Variants in ETV6 observed in about 807,000 individuals in gnomAD.
The protein encoded by ETV6 is ETS variant transcription factor 6.
A neutral mutation model predicts 51.1 loss-of-function variants in ETV6; 16 were observed. That is an observed-to-expected ratio of 0.31 (90% CI 0.21 to 0.48). The LOEUF is 0.48. Ranked by LOEUF, ETV6 falls within the 20% of genes least tolerant of loss-of-function variation. The probability of loss-of-function intolerance (pLI) is 0.99; values close to 1 mark genes in which losing one functional copy is unlikely to be tolerated. For missense variants in ETV6, 458 were observed against 594.8 expected, an observed-to-expected ratio of 0.77 and a Z score of 2.39; for synonymous variants, 240 against 224.1, an observed-to-expected ratio of 1.07 and a Z score of -0.64.
chr12:11,809,808 T>G (rs1945886119), intron 2 of ETV6, among the ~76,000 whole-genome samples: 2 of 148,244 alleles, frequency 1.3e-5, no homozygotes, highest in South Asian at 2.1e-4. Context: ...GAATAGAGCT[T>G]CTGCTTTTTT....
intron 2 of ETV6, chr12:11,769,087 A>G: frequency 2.5e-6 from 1 of 404,452 alleles, no homozygotes; most frequent in Non-Finnish European, 4.9e-6. Context: ...TTTATTGAGC[A>G]CCTACTGTGC....
At chr12:11,793,596 TACCAC>T (rs1444675147) in intron 2 of ETV6, among the ~76,000 whole-genome samples, 1 of 152,232 alleles carries the variant, frequency 6.6e-6, no homozygotes, top group Non-Finnish European at 1.5e-5. Flanking sequence ...GAACAGTGGC[TACCAC>T]TATCAGCTAG....
chr12:11,654,484 G>GA (rs1419153126), intron 1 of ETV6, among the ~76,000 whole-genome samples: 1 of 152,086 alleles, frequency 6.6e-6, no homozygotes, highest in Non-Finnish European at 1.5e-5. Flanking sequence ...AAAGGCCAAG[G>GA]AAACTCGATA....
At chr12:11,824,288 C>T (rs1017183231) in intron 2 of ETV6, among the ~76,000 whole-genome samples, 18 of 152,206 alleles carry the variant, frequency 1.2e-4, no homozygotes, top group Admixed American at 2.6e-4. Flanking sequence ...CAAAAATAGC[C>T]AAGAGGTATT....
At chr12:11,771,298 C>A (rs1182493452) in intron 2 of ETV6, among the ~76,000 whole-genome samples, 1 of 152,212 alleles carries the variant, frequency 6.6e-6, no homozygotes. Context: ...TAACTCTAAC[C>A]TAGGGAGCCA....
intron 1 of ETV6, among the ~76,000 whole-genome samples, chr12:11,721,366 A>G (rs570917118): frequency 6.6e-6 from 1 of 152,346 alleles, no homozygotes; most frequent in African/African-American, 2.4e-5. Flanking sequence ...CATATACACC[A>G]TGGAATACTT....
At chr12:11,812,490 G>A (rs907466824) in intron 2 of ETV6, among the ~76,000 whole-genome samples, 2 of 152,152 alleles carry the variant, frequency 1.3e-5, no homozygotes, top group Non-Finnish European at 2.9e-5. Context: ...AATATATTTA[G>A]TGCTTTCCTT....
At chr12:11,664,650 C>T (rs1052840593) in intron 1 of ETV6, among the ~76,000 whole-genome samples, 1 of 152,196 alleles carries the variant, frequency 6.6e-6, no homozygotes, top group African/African-American at 2.4e-5. Context: ...GATGCACTAA[C>T]AGACTCTTCC....
intron 2 of ETV6, among the ~76,000 whole-genome samples, chr12:11,779,108 CA>C (rs1945376287): frequency 6.6e-6 from 1 of 152,236 alleles, no homozygotes; most frequent in African/African-American, 2.4e-5. Context: ...TTCGACCAAA[CA>C]TACAAGTTGA....
At chr12:11,715,217 G>A (rs1329036284) in intron 1 of ETV6, among the ~76,000 whole-genome samples, 1 of 152,172 alleles carries the variant, frequency 6.6e-6, no homozygotes, top group Admixed American at 6.5e-5. Flanking sequence ...CTGGCCTTTA[G>A]ATAGACTGGA....
Position 11,717,033 on chromosome 12 carries a change from C to T in ETV6, c.34-35417C>T, listed in dbSNP as rs141020519. Among the ~76,000 whole-genome samples the T allele has an allele frequency of 2.0e-4, 31 of 152,292 alleles. 1 individual carries two copies. Among genetic ancestry groups the T allele is most frequent in the African/African-American group, 7.0e-4 (29 of 41,548 alleles). ...CCAAGCCCGTATTTCAGCAGGCAGG[C>T]GATGCTGAGGTGCTTTAGGCCTTCA... On this transcript the variant is annotated intron_variant, in intron 1 of 7. Transcript: ENST00000396373.
intron 1 of ETV6, among the ~76,000 whole-genome samples, chr12:11,672,460 C>G (rs1283518167): frequency 5.9e-5 from 9 of 152,156 alleles, no homozygotes; most frequent in Admixed American, 5.9e-4. Flanking sequence ...AGGTGATTTA[C>G]GCTCTTGCCA....
At chr12:11,778,373 AGGTGT>A (rs1423231333) in intron 2 of ETV6, among the ~76,000 whole-genome samples, 1 of 152,160 alleles carries the variant, frequency 6.6e-6, no homozygotes, top group Non-Finnish European at 1.5e-5. Context: ...ACTTGAGGAG[AGGTGT>A]CCCTAGAAGA....
chr12:11,677,082 G>GTT (rs1864434192), intron 1 of ETV6, among the ~76,000 whole-genome samples: 1 of 152,194 alleles, frequency 6.6e-6, no homozygotes, highest in South Asian at 2.1e-4. Flanking sequence ...TTTAAATTGA[G>GTT]TTTCTGCTTG....
At chr12:11,889,439 T>C (rs772053941) in intron 7 of ETV6, among the ~76,000 whole-genome samples, 11 of 152,362 alleles carry the variant, frequency 7.2e-5, no homozygotes, top group Non-Finnish European at 1.3e-4. Flanking sequence ...AGACCTAGTA[T>C]GTAATCAAGT....
chr12:11,895,015 G>C lies in ETV6; in HGVS notation c.*3969G>C, dbSNP rs1445088084. The C allele has an allele frequency of 4.3e-6, 1 of 233,510 alleles. No individual in the cohort carries two copies. Among genetic ancestry groups the C allele is most frequent in the Non-Finnish European group, 8.5e-6 (1 of 118,050 alleles). 14.5% of individuals were successfully genotyped at this position (233,510 alleles called of 1,614,324 possible). A position where few individuals can be genotyped will look rare whatever the true frequency, so the allele number is the denominator to read the frequency against. On this transcript the variant is annotated 3_prime_UTR_variant, in exon 8 of 8. Transcript: ENST00000396373. ...CACAAGGAAGCCAGTGGGGTGGGAG[G>C]GAGGCACCATAATCCCTCCCTAAAA...
At chr12:11,690,631 G>A (rs1864737073) in intron 1 of ETV6, among the ~76,000 whole-genome samples, 1 of 152,046 alleles carries the variant, frequency 6.6e-6, no homozygotes, top group African/African-American at 2.4e-5. Flanking sequence ...GCTCATGCGT[G>A]TAATCCTAGC....
intron 1 of ETV6, among the ~76,000 whole-genome samples, chr12:11,707,257 TTAAAAA>T (rs1412073377): frequency 6.6e-6 from 1 of 152,208 alleles, no homozygotes; most frequent in Non-Finnish European, 1.5e-5. Context: ...ATGGGAAGTC[TTAAAAA>T]TAATAAAGAA....
rs1213332749 is a variant in ETV6 at position 11,728,576 on chromosome 12, A to C, written c.34-23874A>C. Among the ~76,000 whole-genome samples the C allele has an allele frequency of 7.2e-5, 11 of 152,294 alleles. No homozygotes were observed. The East Asian group carries it at 2.1e-3, about 29-fold the overall frequency. On this transcript the variant is annotated intron_variant, in intron 1 of 7. Transcript: ENST00000396373. The stretch of plus-strand genomic sequence containing the variant: ...TCCCTCTGCCCCCAGTCCGTGGAAA[A>C]ATGTTCTTCCACCAAACCAGTCCCT...
Sources: allele counts gnomAD v4.1 joint callset (sites outside exome capture counted in the v4.1 genomes callset), GRCh38; gene constraint gnomAD v4.1.1; transcripts MANE v1.5; gene names NCBI Gene and HGNC (gene_info 2026-07-23, HGNC 2026-07-21).